The following KCNK2 variants were observed in gnomAD, a reference collection of about 807,000 sequenced individuals.
KCNK2 encodes potassium channel subfamily K member 2.
KCNK2 carries 21 observed loss-of-function variants against 40.5 expected under a neutral mutation model. The observed-to-expected ratio is 0.52, with a 90% confidence interval of 0.37 to 0.75. The LOEUF is 0.75. KCNK2 is among the 30% of genes least tolerant of loss of function. The pLI is 0.00. For synonymous variants in KCNK2, 191 were observed against 202.2 expected (o/e 0.94, Z 0.47); for missense variants, 399 against 531.6 (o/e 0.75, Z 2.45).
intron 5 of KCNK2, among the ~76,000 whole-genome samples, chr1:215,194,237 G>A (rs1664777788): frequency 6.6e-6 from 1 of 152,122 alleles, no homozygotes; most frequent in African/African-American, 2.4e-5. Context: ...ATTGTTCCAA[G>A]TGGATGGAGA....
chr1:215,021,556 T>TC (rs1247171804), intron 1 of KCNK2, among the ~76,000 whole-genome samples: 2,144 of 84,644 alleles, frequency 0.025, 67 homozygotes, highest in African/African-American at 0.081. Flanking sequence ...TTTTTTTTTT[T>TC]TTTTTTTGAG....
intron 1 of KCNK2, among the ~76,000 whole-genome samples, chr1:215,016,979 G>A (rs1656612806): frequency 6.6e-6 from 1 of 151,972 alleles, no homozygotes; most frequent in African/African-American, 2.4e-5. Context: ...ACAGACAGGT[G>A]TATAAAAATA....
At chr1:215,013,559 G>C (rs2102472232) in intron 1 of KCNK2, among the ~76,000 whole-genome samples, 2 of 152,228 alleles carry the variant, frequency 1.3e-5, no homozygotes, top group South Asian at 4.1e-4. Context: ...GAAGAAGTGA[G>C]CCTTATTTAG....
intron 3 of KCNK2, among the ~76,000 whole-genome samples, chr1:215,144,911 G>A (rs997516143): frequency 6.6e-6 from 1 of 152,146 alleles, no homozygotes; most frequent in Non-Finnish European, 1.5e-5. Flanking sequence ...AGCTGCTAAT[G>A]TCTGTTTGGC....
chr1:215,233,590 A>G (rs761458357), intron 6 of KCNK2, among the ~76,000 whole-genome samples: 1 of 152,192 alleles, frequency 6.6e-6, no homozygotes, highest in Non-Finnish European at 1.5e-5. Context: ...AGAAACTATC[A>G]GTTATATTTC....
At chr1:215,214,792 C>A (rs1433247943) in intron 6 of KCNK2, among the ~76,000 whole-genome samples, 1 of 152,092 alleles carries the variant, frequency 6.6e-6, no homozygotes, top group African/African-American at 2.4e-5. Context: ...TGCCACTGCA[C>A]TTCAGCCTGG....
chr1:215,210,098 T>C (rs573287928), intron 6 of KCNK2, among the ~76,000 whole-genome samples: 5 of 69,852 alleles, frequency 7.2e-5, no homozygotes, highest in African/African-American at 2.2e-4. Flanking sequence ...TATATAAATA[T>C]ATATGTACTA....
chr1:215,198,552 AG>A (rs1326458792), intron 6 of KCNK2, among the ~76,000 whole-genome samples: 3 of 152,220 alleles, frequency 2.0e-5, no homozygotes, highest in African/African-American at 7.2e-5. Flanking sequence ...AACTCACTAA[AG>A]GGTATAAATC....
chr1:215,205,666 C>T (rs1469757155), intron 6 of KCNK2, among the ~76,000 whole-genome samples: 1 of 152,118 alleles, frequency 6.6e-6, no homozygotes, highest in African/African-American at 2.4e-5. Flanking sequence ...TGAGCAGAGT[C>T]CCCTGCTGAC....
At chr1:215,038,929 A>G (rs777418082) in intron 1 of KCNK2, among the ~76,000 whole-genome samples, 54 of 152,050 alleles carry the variant, frequency 3.6e-4, no homozygotes, top group Non-Finnish European at 1.5e-4. Flanking sequence ...GATCATTTTT[A>G]CCTGCAGCAG....
chr1:215,224,362 C>T (rs1021045036), intron 6 of KCNK2, among the ~76,000 whole-genome samples: 6 of 152,002 alleles, frequency 3.9e-5, no homozygotes, highest in Middle Eastern at 3.2e-3. Flanking sequence ...TAGGATGATA[C>T]GTACTCATGT....
At chr1:215,186,120 G>C (rs1178305083) in intron 5 of KCNK2, among the ~76,000 whole-genome samples, 2 of 152,186 alleles carry the variant, frequency 1.3e-5, no homozygotes, top group African/African-American at 2.4e-5. Context: ...TCTATGATAA[G>C]AGAACATGAC....
chr1:215,116,195 C>A (rs1484846964), intron 2 of KCNK2, among the ~76,000 whole-genome samples: 1 of 151,944 alleles, frequency 6.6e-6, no homozygotes. Flanking sequence ...AAAATGATAG[C>A]TCTGAAGACT....
intron 3 of KCNK2, among the ~76,000 whole-genome samples, chr1:215,136,818 A>G (rs1558107739): frequency 6.6e-6 from 1 of 152,220 alleles, no homozygotes; most frequent in Non-Finnish European, 1.5e-5. Flanking sequence ...AGGATATCTG[A>G]TGACAGCCTT....
chr1:215,149,830 C>A (rs150896678), intron 3 of KCNK2, among the ~76,000 whole-genome samples: 63 of 152,220 alleles, frequency 4.1e-4, no homozygotes, highest in Non-Finnish European at 8.4e-4. Context: ...ACAATTAGGT[C>A]CACACTCTGA....
chr1:215,119,538 A>T (rs1443585029), intron 2 of KCNK2, among the ~76,000 whole-genome samples: 3 of 152,178 alleles, frequency 2.0e-5, no homozygotes, highest in Non-Finnish European at 4.4e-5. Context: ...CCTAGTGTCC[A>T]TCCTATACTT....
At chr1:215,020,735 C>A (rs987399976) in intron 1 of KCNK2, among the ~76,000 whole-genome samples, 11 of 152,274 alleles carry the variant, frequency 7.2e-5, no homozygotes, top group South Asian at 6.2e-4. Context: ...AACCACAGTA[C>A]CTTTAGATCT....
chr1:215,157,655 T>C (rs1203998871), intron 3 of KCNK2, among the ~76,000 whole-genome samples: 1 of 152,234 alleles, frequency 6.6e-6, no homozygotes, highest in East Asian at 1.9e-4. Context: ...CTTGCTGTGA[T>C]AGTACTATTT....
chr1:215,007,173 GTATGTGTGTGGGTATATATATA>G (rs1656194599), intron 1 of KCNK2, among the ~76,000 whole-genome samples: 4 of 76,858 alleles, frequency 5.2e-5, no homozygotes, highest in East Asian at 6.3e-4. Context: ...ATATATATAT[GTATGTGTGTGGGTATATATATA>G]TATATATATA....
Sources: allele counts gnomAD v4.1 joint callset (sites outside exome capture counted in the v4.1 genomes callset), GRCh38; gene constraint gnomAD v4.1.1; transcripts MANE v1.5; gene names NCBI Gene and HGNC (gene_info 2026-07-23, HGNC 2026-07-21).